ATG13: variants seen among roughly 807,000 people sequenced by gnomAD.
ATG13 encodes autophagy related 13, also known as autophagy-related protein 13.
In ATG13, 23 loss-of-function variants were observed where a neutral mutation model predicts 65.5. The observed-to-expected ratio is 0.35, with a 90% CI of 0.25 to 0.50. The LOEUF (loss-of-function observed/expected upper bound fraction) is 0.50, where lower values mean the gene tolerates loss of function less well. ATG13 is among the 20% of genes least tolerant of loss of function. ATG13 has a pLI of 0.98. For synonymous variants in ATG13, 252 were observed against 245.2 expected, an observed-to-expected ratio of 1.03 and a Z score of -0.26; for missense variants, 566 against 677.0, an observed-to-expected ratio of 0.84 and a Z score of 1.82.
intron 7 of ATG13, among the ~76,000 whole-genome samples, chr11:46,655,601 T>C (rs2059888828): frequency 1.3e-5 from 2 of 152,144 alleles, no homozygotes; most frequent in African/African-American, 2.4e-5. Flanking sequence ...ACAAAACCAG[T>C]GCCTTCTAGT....
At chr11:46,626,298 T>C (rs1294693430) in intron 1 of ATG13, among the ~76,000 whole-genome samples, 4 of 152,076 alleles carry the variant, frequency 2.6e-5, no homozygotes, top group Non-Finnish European at 5.9e-5. Context: ...GTGCCCAGGC[T>C]GGAGTGCAGT....
intron 6 of ATG13, among the ~76,000 whole-genome samples, chr11:46,649,949 A>G (rs2058563543): frequency 6.6e-6 from 1 of 152,206 alleles, no homozygotes; most frequent in Admixed American, 6.5e-5. Context: ...TTTCTAAAAA[A>G]AAAATAACCA....
chr11:46,631,742 A>G (rs771210067), intron 2 of ATG13, among the ~76,000 whole-genome samples: 8 of 152,116 alleles, frequency 5.3e-5, no homozygotes, highest in Non-Finnish European at 1.0e-4. Context: ...AGTTGGGTGT[A>G]GTGACATATA....
intron 5 of ATG13, chr11:46,648,777 TAAA>T (rs540301936): frequency 6.9e-4 from 82 of 118,812 alleles, no homozygotes; most frequent in Middle Eastern, 3.6e-3. Flanking sequence ...ACTCTGTCTT[TAAA>T]AAAAAAAAAA....
At chr11:46,662,339 G>A (rs767084377) in intron 11 of ATG13, among the ~76,000 whole-genome samples, 1 of 152,144 alleles carries the variant, frequency 6.6e-6, no homozygotes, top group Non-Finnish European at 1.5e-5. Flanking sequence ...GTTGTAACTT[G>A]CGAGATATGA....
chr11:46,631,843 G>A (rs1471103110), intron 2 of ATG13, among the ~76,000 whole-genome samples: 1 of 152,160 alleles, frequency 6.6e-6, no homozygotes, highest in Non-Finnish European at 1.5e-5. Flanking sequence ...TGGCATCACT[G>A]CACTCCACCT....
rs2058627934 is a variant in ATG13, at chr11:46,650,251, T to C, written c.392T>C (p.Ile131Thr). The change falls in exon 7 of 19, where the codon ATA becomes ACA. Residue 131 changes from isoleucine to threonine, a missense_variant. This residue lies in a region of ATG13 where 179 missense variants were observed against 267.2 expected (regional missense o/e 0.67). Transcript: ENST00000683050. ...TTGCTGCTGAAGTCCCTTCTTGCTA[T>C]AACTAGGGTGACACCAGCCTATAGG... ...LSLLLKSLLA[I>T]TRVTPAYRLS... The C allele has an allele frequency of 6.2e-7, 1 of 1,614,084 alleles. No individual in the cohort carries two copies. Among genetic ancestry groups the C allele is most frequent in the African/African-American group, 1.3e-5 (1 of 75,054 alleles).
At chr11:46,641,359 T>C (rs1315611331) in intron 2 of ATG13, among the ~76,000 whole-genome samples, 2 of 152,216 alleles carry the variant, frequency 1.3e-5, no homozygotes, top group African/African-American at 4.8e-5. Context: ...CGTGAGCCAC[T>C]GTGCCCGGCC....
chr11:46,667,201 C>T (rs1333952670), intron 14 of ATG13, among the ~76,000 whole-genome samples: 2 of 152,176 alleles, frequency 1.3e-5, no homozygotes, highest in Non-Finnish European at 2.9e-5. Flanking sequence ...TCCTCCTGCC[C>T]ACCTTGAATC....
chr11:46,638,844 G>A (rs1002475373), intron 2 of ATG13, among the ~76,000 whole-genome samples: 1 of 151,948 alleles, frequency 6.6e-6, no homozygotes, highest in Admixed American at 6.6e-5. Context: ...GTCTCACTCT[G>A]TCACCCAGGC....
chr11:46,659,567 C>A, intron 11 of ATG13, 82 bp downstream of exon 11: 1 of 1,179,410 alleles, frequency 8.5e-7, no homozygotes, highest in Non-Finnish European at 1.3e-6. Context: ...AATTTAGCTA[C>A]AATCCCTTTT....
intron 6 of ATG13, among the ~76,000 whole-genome samples, chr11:46,649,733 A>G (rs2058513587): frequency 6.6e-6 from 1 of 152,224 alleles, no homozygotes; most frequent in Non-Finnish European, 1.5e-5. Flanking sequence ...TCTTAGTGAT[A>G]AGTATATGTG....
At chr11:46,646,113 G>A in intron 5 of ATG13, 124 bp downstream of exon 5, 2 of 1,307,580 alleles carry the variant, frequency 1.5e-6, no homozygotes, top group South Asian at 1.7e-5. Flanking sequence ...ATTCTCTGAG[G>A]GGGTCATAGT....
intron 1 of ATG13, among the ~76,000 whole-genome samples, chr11:46,619,926 G>A (rs2046883263): frequency 6.6e-6 from 1 of 150,572 alleles, no homozygotes; most frequent in South Asian, 2.1e-4. Context: ...CTACTCGGGT[G>A]GCTGAGGCAG....
rs574469105 is a variant in ATG13 at position 46,632,642 on chromosome 11, GAAGA to G, written c.-14+2546_-14+2549del. On this transcript the variant is annotated intron_variant, in intron 2 of 18. Transcript: ENST00000683050. ...GTAAGTAGTCTACAAAGTCTGAAGA[GAAGA>G]AAGTCAAATACATACATTGTCAGGT... is the stretch of plus-strand genomic sequence containing the variant. Among the ~76,000 whole-genome samples the G allele has an allele frequency of 1.6e-3, 243 of 152,172 alleles. 1 individual carries two copies. Among genetic ancestry groups the G allele is most frequent in the Non-Finnish European group, 2.8e-3 (189 of 68,004 alleles).
chr11:46,663,928 T>C (rs1168974018), intron 11 of ATG13, 69 bp from the exon 12 acceptor site: 2 of 1,209,702 alleles, frequency 1.7e-6, no homozygotes, highest in African/African-American at 3.1e-5. Context: ...TCTTCACTTC[T>C]TTCTCAAGTC....
intron 2 of ATG13, among the ~76,000 whole-genome samples, chr11:46,639,914 C>T (rs1056059574): frequency 6.8e-6 from 1 of 146,606 alleles, no homozygotes; most frequent in Non-Finnish European, 1.5e-5. Flanking sequence ...AGTGTAGTGG[C>T]ACGATCTCAG....
intron 7 of ATG13, among the ~76,000 whole-genome samples, chr11:46,654,007 G>T (rs1372906450): frequency 6.6e-6 from 1 of 151,418 alleles, no homozygotes; most frequent in Non-Finnish European, 1.5e-5. Context: ...ATATAGACTG[G>T]CCTGTCCAGG....
chr11:46,624,392 C>T (rs901998701), intron 1 of ATG13, among the ~76,000 whole-genome samples: 2 of 152,106 alleles, frequency 1.3e-5, no homozygotes, highest in African/African-American at 4.8e-5. Context: ...CTGTCCTTCA[C>T]AGAAACTTTT....
Sources: gnomAD v4.1 joint callset for allele counts (sites outside exome capture counted in the v4.1 genomes callset) on GRCh38, gnomAD v4.1.1 for gene constraint, gnomAD v4.1.1 regional missense constraint, MANE v1.5 for transcripts, NCBI Gene and HGNC (gene_info 2026-07-23, HGNC 2026-07-21) for gene names.